ROBO1: variants seen among roughly 807,000 people sequenced by gnomAD.
The protein encoded by ROBO1 is roundabout homolog 1.
Under a neutral mutation model 195.9 loss-of-function variants are expected in ROBO1, and 149 were observed. The observed-to-expected ratio is 0.76, with a 90% confidence interval of 0.67 to 0.87. ROBO1 has a LOEUF of 0.87. Ranked by LOEUF, ROBO1 falls within the 40% of genes least tolerant of loss-of-function variation. ROBO1 has a pLI of 0.00. For missense variants in ROBO1, 1,933 were observed against 2,068.3 expected (o/e 0.93, Z 1.27); for synonymous variants, 816 against 733.2 (o/e 1.11, Z -1.82).
intron 4 of ROBO1, among the ~76,000 whole-genome samples, chr3:78,772,466 A>G (rs1418744924): frequency 2.0e-5 from 3 of 152,140 alleles, no homozygotes; most frequent in Non-Finnish European, 4.4e-5. Context: ...AAACAGGCAA[A>G]AAGAAAAGAT....
At chr3:79,535,076 T>C (rs1245400981) in intron 2 of ROBO1, among the ~76,000 whole-genome samples, 13 of 28,166 alleles carry the variant, frequency 4.6e-4, no homozygotes, top group Non-Finnish European at 9.0e-5. Context: ...AAATGCCTTA[T>C]TTTTTTTTAG....
At chr3:79,563,704 T>C (rs1330753641) in intron 2 of ROBO1, among the ~76,000 whole-genome samples, 2 of 152,098 alleles carry the variant, frequency 1.3e-5, no homozygotes, top group African/African-American at 2.4e-5. Flanking sequence ...GAATTGCGTA[T>C]CTTTCACAGT....
chr3:79,020,688 C>T (rs2078082143), intron 3 of ROBO1, among the ~76,000 whole-genome samples: 2 of 152,040 alleles, frequency 1.3e-5, no homozygotes, highest in South Asian at 2.1e-4. Flanking sequence ...AGCGAGACTC[C>T]GTCTTAAATA....
chr3:78,938,493 C>CCT, intron 4 of ROBO1, 108 bp downstream of exon 4: 1 of 851,280 alleles, frequency 1.2e-6, no homozygotes, highest in Non-Finnish European at 1.8e-6. Context: ...TAGAGTTTAT[C>CCT]CTCAGGTAAG....
chr3:79,659,259 AC>A (rs753613563), intron 1 of ROBO1, among the ~76,000 whole-genome samples: 1 of 152,156 alleles, frequency 6.6e-6, no homozygotes. Flanking sequence ...GTAATGAAAT[AC>A]ATTTTATCAC....
At chr3:78,635,390 A>G (rs73850738) in intron 23 of ROBO1, among the ~76,000 whole-genome samples, 21,673 of 152,128 alleles carry the variant, frequency 0.14, 2,280 homozygotes, top group African/African-American at 0.3. Context: ...TGGTTTATAT[A>G]ACCACATAGA....
intron 1 of ROBO1, among the ~76,000 whole-genome samples, chr3:79,652,035 A>G (rs1298789552): frequency 6.6e-6 from 1 of 152,184 alleles, no homozygotes; most frequent in African/African-American, 2.4e-5. Flanking sequence ...GTGTAAAGTT[A>G]TACATGTCAG....
chr3:79,105,484 C>A (rs1348561566), intron 3 of ROBO1, among the ~76,000 whole-genome samples: 1 of 151,388 alleles, frequency 6.6e-6, no homozygotes, highest in East Asian at 1.9e-4. Flanking sequence ...ATTTGGAGAG[C>A]CAGCTAGCAA....
At chr3:79,279,459 T>A (rs2108996779) in intron 2 of ROBO1, among the ~76,000 whole-genome samples, 1 of 152,182 alleles carries the variant, frequency 6.6e-6, no homozygotes, top group South Asian at 2.1e-4. Context: ...AAAAAGATTT[T>A]AAAAATAGCA....
At chr3:78,923,778 G>A (rs1246770832) in intron 4 of ROBO1, among the ~76,000 whole-genome samples, 2 of 152,118 alleles carry the variant, frequency 1.3e-5, no homozygotes, top group Admixed American at 1.3e-4. Flanking sequence ...GATTACTTGA[G>A]TTCCTCTAAG....
At chr3:78,898,577 G>C (rs1280410075) in intron 4 of ROBO1, among the ~76,000 whole-genome samples, 1 of 151,464 alleles carries the variant, frequency 6.6e-6, no homozygotes, top group Admixed American at 6.6e-5. Context: ...TTTCAGTAGA[G>C]ACGGGGTTTC....
intron 2 of ROBO1, among the ~76,000 whole-genome samples, chr3:79,496,231 A>G (rs995081532): frequency 6.7e-6 from 1 of 150,272 alleles, no homozygotes; most frequent in African/African-American, 2.4e-5. Flanking sequence ...AAAAAAAAAA[A>G]AAAGACTCGT....
chr3:79,369,985 A>C (rs1026516567), intron 2 of ROBO1, among the ~76,000 whole-genome samples: 72 of 152,338 alleles, frequency 4.7e-4, no homozygotes, highest in African/African-American at 1.6e-3. Flanking sequence ...TATTTTGAAC[A>C]CATAGAAGTT....
Position 79,361,631 on chromosome 3 carries a change from C to T in ROBO1, c.88+228193G>A, listed in dbSNP as rs78155336. On this transcript the variant is annotated intron_variant, in intron 2 of 30. Transcript: ENST00000464233. ...TTCAATGTCGAACTCTTCCTGCATACGCTGCGATGGCTGATAAAAATGTCA... is the reference window on the plus strand; with the variant it reads ...TTCAATGTCGAACTCTTCCTGCATATGCTGCGATGGCTGATAAAAATGTCA... Among the ~76,000 whole-genome samples, 393 of 152,110 alleles carry T rather than the reference C, an allele frequency of 2.6e-3. 1 individual carries two copies. The highest frequency in any genetic ancestry group is 8.4e-3 in the African/African-American group (348 of 41,518).
intron 2 of ROBO1, among the ~76,000 whole-genome samples, chr3:79,316,580 T>A (rs1200514159): frequency 6.6e-6 from 1 of 152,076 alleles, no homozygotes; most frequent in African/African-American, 2.4e-5. Flanking sequence ...GTTGTTCCTA[T>A]GTTCTTAGAG....
At chr3:79,620,757 C>T (rs1293806137) in intron 1 of ROBO1, among the ~76,000 whole-genome samples, 1 of 152,008 alleles carries the variant, frequency 6.6e-6, no homozygotes, top group Admixed American at 6.6e-5. Context: ...CCCTTATCAT[C>T]CCATTAAAAT....
chr3:78,646,423 T>C (rs1212446450), intron 20 of ROBO1, among the ~76,000 whole-genome samples: 1 of 150,564 alleles, frequency 6.6e-6, no homozygotes. Context: ...TAGATATCTA[T>C]ATATCACTCT....
At chr3:79,567,466 C>T in intron 2 of ROBO1, among the ~76,000 whole-genome samples, 1 of 152,136 alleles carries the variant, frequency 6.6e-6, no homozygotes, top group East Asian at 1.9e-4. Context: ...AGATAGCATT[C>T]CATGTTACTC....
chr3:79,700,317 T>TGTGTTTGTG, intron 1 of ROBO1, among the ~76,000 whole-genome samples: 2 of 144,254 alleles, frequency 1.4e-5, no homozygotes, highest in East Asian at 4.1e-4. Flanking sequence ...GTGTGTGTGT[T>TGTGTTTGTG]TGTGTGTGTG....
Sources: gnomAD v4.1 joint callset for allele counts (sites outside exome capture counted in the v4.1 genomes callset) on GRCh38, gnomAD v4.1.1 for gene constraint, MANE v1.5 for transcripts, NCBI Gene and HGNC (gene_info 2026-07-23, HGNC 2026-07-21) for gene names.